The following PDCD6 variants were observed in gnomAD, a reference collection of about 807,000 sequenced individuals.
PDCD6 encodes programmed cell death protein 6.
Under a neutral mutation model 28.3 loss-of-function variants are expected in PDCD6, and 12 were observed. The ratio of observed to expected loss-of-function variants is 0.42; its 90% CI spans 0.27 to 0.69. PDCD6 has a LOEUF of 0.69. PDCD6 is among the 30% of genes least tolerant of loss of function. PDCD6 has a pLI of 0.22. For synonymous variants in PDCD6, 92 were observed against 108.0 expected (o/e 0.85, Z 0.92); for missense variants, 226 against 269.9 (o/e 0.84, Z 1.14).
At chr5:274,420 G>T (rs559481075) in intron 2 of PDCD6, among the ~76,000 whole-genome samples, 1 of 152,296 alleles carries the variant, frequency 6.6e-6, no homozygotes, top group Admixed American at 6.5e-5. Context: ...AGTGCTTTGG[G>T]GCCTGCCTGG....
chr5:290,350 CCT>C, intron 2 of PDCD6: 1 of 1,119,370 alleles, frequency 8.9e-7, no homozygotes, highest in Non-Finnish European at 1.4e-6. Context: ...ACAGCCTCCG[CCT>C]CCCTCCGCAG....
At chr5:306,782 G>A (rs376591688) in intron 4 of PDCD6, 22 bp downstream of exon 4, 1 of 1,603,452 alleles carries the variant, frequency 6.2e-7, no homozygotes, top group South Asian at 1.1e-5. Flanking sequence ...ACTCTGGCTT[G>A]TGTAGCGTGT....
intron 2 of PDCD6, among the ~76,000 whole-genome samples, chr5:281,003 G>A (rs189932364): frequency 2.3e-4 from 35 of 152,372 alleles, no homozygotes; most frequent in Non-Finnish European, 3.5e-4. Flanking sequence ...TTCATAGTTC[G>A]AATTTTCATA....
chr5:306,542 G>T (rs1740499542), intron 3 of PDCD6, 60 bp from the exon 4 acceptor site: 1 of 1,586,722 alleles, frequency 6.3e-7, no homozygotes, highest in Non-Finnish European at 8.6e-7. Flanking sequence ...CTGGTGGGAA[G>T]CCTCAAGTGA....
chr5:300,899 G>A (rs1370512449), intron 2 of PDCD6, among the ~76,000 whole-genome samples: 1 of 152,118 alleles, frequency 6.6e-6, no homozygotes, highest in Non-Finnish European at 1.5e-5. Context: ...TGGCCGTCCG[G>A]TTCCTCCTGG....
intron 2 of PDCD6, among the ~76,000 whole-genome samples, chr5:287,261 G>A (rs1023620818): frequency 1.3e-5 from 2 of 152,140 alleles, no homozygotes; most frequent in African/African-American, 4.8e-5. Context: ...ATCCTGGTCA[G>A]GAGCCAGTGA....
At chr5:296,069 C>T (rs185909684) in intron 2 of PDCD6, among the ~76,000 whole-genome samples, 59 of 152,230 alleles carry the variant, frequency 3.9e-4, no homozygotes, top group African/African-American at 1.3e-3. Context: ...CTTCACACTA[C>T]CTGGGAGGCC....
At chr5:291,359 G>A (rs1281632320) in intron 2 of PDCD6, among the ~76,000 whole-genome samples, 3 of 151,988 alleles carry the variant, frequency 2.0e-5, no homozygotes, top group Admixed American at 1.3e-4. Flanking sequence ...GTCTATTTCT[G>A]TCCTCCATTC....
chr5:279,249 G>A (rs917615985), intron 2 of PDCD6, among the ~76,000 whole-genome samples: 2 of 152,102 alleles, frequency 1.3e-5, no homozygotes, highest in Non-Finnish European at 2.9e-5. Context: ...CCGGAGGGAG[G>A]GTGGATGGAC....
chr5:273,028 A>G (rs62345188), intron 2 of PDCD6: 67,740 of 503,346 alleles, frequency 0.13, 7,321 homozygotes, highest in African/African-American at 0.45. Context: ...TGAAAACTAG[A>G]TTGTAGGTTT....
chr5:279,960 G>T (rs1191204732), intron 2 of PDCD6, among the ~76,000 whole-genome samples: 3 of 132,784 alleles, frequency 2.3e-5, no homozygotes. Context: ...TCAGGAGACG[G>T]GGGTTGGCAA....
intron 2 of PDCD6, among the ~76,000 whole-genome samples, chr5:299,761 G>T (rs534637145): frequency 6.6e-6 from 1 of 152,176 alleles, no homozygotes; most frequent in Non-Finnish European, 1.5e-5. Flanking sequence ...ATATTAGCCA[G>T]GATGGTCTCG....
At chr5:311,479 A>C in intron 5 of PDCD6, 77 bp downstream of exon 5, 1 of 923,708 alleles carries the variant, frequency 1.1e-6, no homozygotes, top group Non-Finnish European at 1.8e-6. Context: ...CCTGACCTTC[A>C]ATCTAAGGAG....
intron 2 of PDCD6, chr5:276,320 TG>T: frequency 9.1e-7 from 1 of 1,095,208 alleles, no homozygotes; most frequent in Non-Finnish European, 1.1e-6. Flanking sequence ...TTCCTCATCG[TG>T]GGGGCTCACG....
At chr5:312,052 A>G (rs538829921) in intron 5 of PDCD6, 1 of 153,602 alleles carries the variant, frequency 6.5e-6, no homozygotes, top group African/African-American at 2.4e-5. Context: ...TGTGGTCATC[A>G]CTGTGTCCTG....
intron 2 of PDCD6, among the ~76,000 whole-genome samples, chr5:297,073 C>T (rs28743144): frequency 0.15 from 20,633 of 136,744 alleles, 1,363 homozygotes; most frequent in African/African-American, 0.19. Flanking sequence ...TCAGCCCACA[C>T]TGTGCCGGGC....
chr5:310,953 T>A (rs1289183423), intron 4 of PDCD6: 3 of 268,196 alleles, frequency 1.1e-5, no homozygotes, highest in Non-Finnish European at 2.1e-5. Flanking sequence ...TTCAGGAAAC[T>A]GAGTGTGGCC....
rs1279194705 is a variant in PDCD6, at chr5:277,926, A to AT, written c.163+5154_163+5155insT. 2.0e-5 allele frequency among the ~76,000 whole-genome samples: 3 copies of AT among 151,638 alleles called. No individual in the cohort carries two copies. The East Asian group carries it at 5.9e-4, about 30-fold the overall frequency. On this transcript the variant is annotated intron_variant, in intron 2 of 5. Transcript: ENST00000264933. ...AGACTCCATCTCAAAAAAAAAAAAA[A>AT]AAAAGAATAGAATAACCCTTGTTTA...
chr5:278,620 G>A (rs1738354045), intron 2 of PDCD6, among the ~76,000 whole-genome samples: 1 of 151,628 alleles, frequency 6.6e-6, no homozygotes, highest in South Asian at 2.1e-4. Flanking sequence ...GGCTGAGGAG[G>A]GAGAATTGCT....
Sources: allele counts gnomAD v4.1 joint callset (sites outside exome capture counted in the v4.1 genomes callset), GRCh38; gene constraint gnomAD v4.1.1; transcripts MANE v1.5; gene names NCBI Gene and HGNC (gene_info 2026-07-23, HGNC 2026-07-21).